ANO3: variants seen among roughly 807,000 people sequenced by gnomAD.
ANO3 encodes anoctamin-3.
ANO3 carries 99 observed loss-of-function variants against 144.8 expected under a neutral mutation model. The observed-to-expected ratio is 0.68, with a 90% CI of 0.58 to 0.81. The LOEUF is 0.81. Among genes scored for constraint, ANO3 ranks in the 30% least tolerant of loss-of-function variants. ANO3 has a pLI of 0.00. For synonymous variants in ANO3, 414 were observed against 392.6 expected (o/e 1.05, Z -0.64); for missense variants, 905 against 1,202.2 (o/e 0.75, Z 3.66).
At chr11:26,640,845 A>G (rs1378875308) in intron 21 of ANO3, among the ~76,000 whole-genome samples, 1 of 152,118 alleles carries the variant, frequency 6.6e-6, no homozygotes, top group African/African-American at 2.4e-5. Context: ...TTCAAGCAAA[A>G]CTTTAAACAG....
intron 1 of ANO3, among the ~76,000 whole-genome samples, chr11:26,303,077 CTT>C (rs1359856178): frequency 6.6e-6 from 1 of 151,996 alleles, no homozygotes; most frequent in Non-Finnish European, 1.5e-5. Flanking sequence ...AAAGGGAACA[CTT>C]ATACACTGTT....
intron 18 of ANO3, among the ~76,000 whole-genome samples, chr11:26,628,306 A>G (rs2133023654): frequency 1.3e-5 from 2 of 152,330 alleles, no homozygotes; most frequent in Middle Eastern, 6.8e-3. Flanking sequence ...GTAACTTCCT[A>G]CTATACACAC....
intron 1 of ANO3, among the ~76,000 whole-genome samples, chr11:26,265,138 A>G (rs768373738): frequency 6.6e-6 from 1 of 152,210 alleles, no homozygotes; most frequent in Non-Finnish European, 1.5e-5. Context: ...TTTTCTGTCA[A>G]AAATAGTCAT....
rs1158168765 is a variant in ANO3 at position 26,365,954 on chromosome 11, T to TTA, written c.46+33681_46+33682dup. 2.1e-3 allele frequency among the ~76,000 whole-genome samples: 115 copies of TTA among 54,370 alleles called. 1 individual carries two copies. Among genetic ancestry groups the TTA allele is most frequent in the African/African-American group, 7.6e-3 (113 of 14,912 alleles). The allele number at this position is 54,370 out of a possible 152,430, so 35.7% of individuals were successfully genotyped here. ...TTCCTCTCCCCAAACCATTTTTTCT[T>TTA]TATATATATATATATATATATATAT... is the stretch of plus-strand genomic sequence containing the variant. On this transcript the variant is annotated intron_variant, in intron 1 of 26. Coordinates refer to ENST00000256737, the MANE Select transcript of ANO3 (RefSeq NM_031418.4).
intron 4 of ANO3, among the ~76,000 whole-genome samples, chr11:26,493,284 A>C (rs918943052): frequency 6.6e-6 from 1 of 152,184 alleles, no homozygotes; most frequent in Non-Finnish European, 1.5e-5. Flanking sequence ...TCTGAGTTTT[A>C]ATAATCTGGA....
At chr11:26,647,950 G>C in intron 24 of ANO3, 94 bp downstream of exon 24, 2 of 1,242,690 alleles carry the variant, frequency 1.6e-6, no homozygotes, top group South Asian at 3.3e-5. Context: ...ACCATTAAGG[G>C]TGGTGTTTCT....
intron 1 of ANO3, among the ~76,000 whole-genome samples, chr11:26,418,544 A>T (rs1276846692): frequency 6.6e-6 from 1 of 152,020 alleles, no homozygotes; most frequent in Non-Finnish European, 1.5e-5. Context: ...TCCCCTTAGC[A>T]ACAGTGTAAA....
intron 17 of ANO3, among the ~76,000 whole-genome samples, chr11:26,622,897 C>G (rs1852462345): frequency 6.6e-6 from 1 of 152,196 alleles, no homozygotes; most frequent in Non-Finnish European, 1.5e-5. Context: ...CACAAAGGCA[C>G]TCAACTCAGT....
At chr11:26,363,662 C>G (rs1333047000) in intron 1 of ANO3, among the ~76,000 whole-genome samples, 1 of 152,078 alleles carries the variant, frequency 6.6e-6, no homozygotes, top group East Asian at 1.9e-4. Flanking sequence ...ACAACTCAGT[C>G]AATAACAGAG....
chr11:26,407,068 G>GTATATATATATATATATATATATATATA (rs760132418), intron 1 of ANO3, among the ~76,000 whole-genome samples: 1 of 96,424 alleles, frequency 1.0e-5, no homozygotes, highest in African/African-American at 3.1e-5. Flanking sequence ...GTGTGTGTGT[G>GTATATATATATATATATATATATATATA]TGTGTGTGTA....
intron 4 of ANO3, among the ~76,000 whole-genome samples, chr11:26,473,720 C>A (rs1289597920): frequency 6.6e-6 from 1 of 151,780 alleles, no homozygotes; most frequent in African/African-American, 2.4e-5. Flanking sequence ...TAATAATTGA[C>A]AGTAAAATCA....
At chr11:26,438,029 A>T (rs888842436) in intron 1 of ANO3, among the ~76,000 whole-genome samples, 12 of 146,828 alleles carry the variant, frequency 8.2e-5, no homozygotes, top group Non-Finnish European at 1.5e-4. Context: ...AATTCAACAC[A>T]CTACTGAACA....
intron 8 of ANO3, among the ~76,000 whole-genome samples, chr11:26,533,173 A>G (rs1849416774): frequency 1.3e-5 from 2 of 152,224 alleles, no homozygotes; most frequent in Non-Finnish European, 2.9e-5. Flanking sequence ...GAAAGACAGA[A>G]ATAAAATGCA....
intron 12 of ANO3, among the ~76,000 whole-genome samples, chr11:26,549,063 T>C (rs971125536): frequency 2.6e-5 from 4 of 151,962 alleles, no homozygotes; most frequent in African/African-American, 9.7e-5. Flanking sequence ...TGTTAGCATA[T>C]GATACAGACT....
At chr11:26,441,369 G>A (rs912061597) in intron 1 of ANO3, among the ~76,000 whole-genome samples, 13 of 151,352 alleles carry the variant, frequency 8.6e-5, no homozygotes, top group African/African-American at 2.4e-4. Context: ...CGCCCGCCTC[G>A]GCCTCCCAAA....
At chr11:26,615,314 A>G (rs1212025211) in intron 17 of ANO3, among the ~76,000 whole-genome samples, 1 of 150,212 alleles carries the variant, frequency 6.7e-6, no homozygotes, top group Non-Finnish European at 1.5e-5. Context: ...CCCAGCACAT[A>G]TACACCCTAT....
intron 3 of ANO3, among the ~76,000 whole-genome samples, chr11:26,452,273 TC>T (rs1485775222): frequency 1.3e-5 from 2 of 152,174 alleles, no homozygotes; most frequent in Non-Finnish European, 2.9e-5. Flanking sequence ...CTTCAGATGA[TC>T]AAACTACGAG....
At chr11:26,276,836 T>C (rs1217136913) in intron 1 of ANO3, among the ~76,000 whole-genome samples, 3 of 152,140 alleles carry the variant, frequency 2.0e-5, no homozygotes, top group African/African-American at 7.2e-5. Context: ...ATGGGTATAA[T>C]TGGTCAGCGT....
intron 1 of ANO3, among the ~76,000 whole-genome samples, chr11:26,300,265 A>G (rs1313951583): frequency 6.6e-6 from 1 of 152,134 alleles, no homozygotes; most frequent in Non-Finnish European, 1.5e-5. Context: ...AAACAGACAC[A>G]CACACACATA....
Sources: allele counts gnomAD v4.1 joint callset (sites outside exome capture counted in the v4.1 genomes callset), GRCh38; gene constraint gnomAD v4.1.1; transcripts MANE v1.5; gene names NCBI Gene and HGNC (gene_info 2026-07-23, HGNC 2026-07-21).